AFF1: variants seen among roughly 807,000 people sequenced by gnomAD.
AFF1 encodes the protein AF4/FMR2 family member 1.
In AFF1, 48 loss-of-function variants were observed where a neutral mutation model predicts 121.7. The observed-to-expected ratio is 0.39, with a 90% CI of 0.31 to 0.50. The LOEUF (loss-of-function observed/expected upper bound fraction) is 0.50, where lower values mean the gene tolerates loss of function less well. Among genes scored for constraint, AFF1 ranks in the 20% least tolerant of loss-of-function variants. The probability of loss-of-function intolerance (pLI) is 0.76; values close to 1 mark genes in which losing one functional copy is unlikely to be tolerated. For missense variants in AFF1, 1,523 were observed against 1,511.7 expected (o/e 1.01, Z -0.12); for synonymous variants, 613 against 563.0 (o/e 1.09, Z -1.26).
chr4:87,000,134 A>G (rs763624772), intron 2 of AFF1, among the ~76,000 whole-genome samples: 71 of 152,334 alleles, frequency 4.7e-4, no homozygotes, highest in Admixed American at 3.9e-4. Context: ...TCATATAAAT[A>G]AATAATTGAA....
chr4:87,137,137 G>A lies in AFF1; in HGVS notation c.*1436G>A, dbSNP rs1173077873. On this transcript the variant is annotated 3_prime_UTR_variant, in exon 21 of 21. Coordinates refer to ENST00000395146, the MANE Select transcript of AFF1 (RefSeq NM_001166693.3). ...TTGGAAACATTACTTTGAGTGCAGTGTTTTTAAAAGCCAATTCTTTTTTAT... is the reference window on the plus strand; with the variant it reads ...TTGGAAACATTACTTTGAGTGCAGTATTTTTAAAAGCCAATTCTTTTTTAT... 4 of 226,700 alleles carry A rather than the reference G, an allele frequency of 1.8e-5. No homozygotes were observed. The highest frequency in any genetic ancestry group is 3.5e-5 in the Non-Finnish European group (4 of 113,850). The allele number at this position is 226,700 out of a possible 1,614,324, so 14.0% of individuals were successfully genotyped here.
intron 2 of AFF1, among the ~76,000 whole-genome samples, chr4:86,999,002 G>A (rs72877916): frequency 0.06 from 9,154 of 152,198 alleles, 489 homozygotes; most frequent in African/African-American, 0.14. Context: ...TTGGAATTGG[G>A]GCCATTCAGA....
At chr4:87,087,490 G>A (rs1723854279) in intron 5 of AFF1, among the ~76,000 whole-genome samples, 1 of 152,250 alleles carries the variant, frequency 6.6e-6, no homozygotes, top group Non-Finnish European at 1.5e-5. Flanking sequence ...GACAGTAGCT[G>A]TGGGGCCTGG....
At chr4:87,081,152 A>AT (rs549510832) in intron 4 of AFF1, among the ~76,000 whole-genome samples, 4,327 of 89,396 alleles carry the variant, frequency 0.048, 762 homozygotes, top group African/African-American at 0.11. Context: ...AATGAAATGA[A>AT]TTTTTTTTTT....
chr4:87,127,634 C>G lies in AFF1; in HGVS notation c.2904-9C>G. ...ATATGACCTGTCCCTGGTTTTTCCTCTTTTTCAGACAACAAGCAGACCTTC... is the reference window on the plus strand; with the variant it reads ...ATATGACCTGTCCCTGGTTTTTCCTGTTTTTCAGACAACAAGCAGACCTTC... On this transcript the variant is annotated splice_polypyrimidine_tract_variant and intron_variant, in intron 15 of 20. Coordinates refer to ENST00000395146, the MANE Select transcript of AFF1 (RefSeq NM_001166693.3). 1.9e-6 allele frequency: 3 copies of G among 1,613,864 alleles called. No individual in the cohort carries two copies. The highest frequency in any genetic ancestry group is 2.5e-6 in the Non-Finnish European group (3 of 1,179,928).
At chr4:87,135,193 A>T (rs1729195447) in intron 20 of AFF1, among the ~76,000 whole-genome samples, 1 of 152,224 alleles carries the variant, frequency 6.6e-6, no homozygotes, top group Non-Finnish European at 1.5e-5. Flanking sequence ...GGAGAAATGC[A>T]AGGTTCAGGA....
chr4:87,114,575 C>CCCCCCCA lies in AFF1; in HGVS notation c.1742_1743insCCCCCCA (p.Glu583ProfsTer95). On this transcript the variant is annotated frameshift_variant, in exon 12 of 21. Transcript: ENST00000395146. LOFTEE classifies it high-confidence loss of function. ...AGCTCCAGCAAAGCCCCCCGGGCCC[C>CCCCCCCA]ACCCGAAGCCCCCCACCCCGGAAAG... 6.3e-7 allele frequency: 1 copy of CCCCCCCA among 1,584,314 alleles called. No homozygotes were observed. The highest frequency in any genetic ancestry group is 8.6e-7 in the Non-Finnish European group (1 of 1,158,138).
intron 1 of AFF1, among the ~76,000 whole-genome samples, chr4:86,940,765 T>A (rs1009505495): frequency 1.8e-4 from 28 of 152,140 alleles, no homozygotes; most frequent in South Asian, 2.1e-4. Context: ...ATCTTTTTTT[T>A]ATTTTTCTTT....
intron 11 of AFF1, among the ~76,000 whole-genome samples, chr4:87,110,375 T>C (rs974328029): frequency 1.3e-5 from 2 of 152,132 alleles, no homozygotes; most frequent in Non-Finnish European, 2.9e-5. Flanking sequence ...TTTTAAAATG[T>C]AAATTAAAGT....
intron 8 of AFF1, among the ~76,000 whole-genome samples, chr4:87,104,312 A>G (rs1291009913): frequency 1.3e-5 from 2 of 152,146 alleles, no homozygotes; most frequent in Non-Finnish European, 2.9e-5. Context: ...GGCTGAGGCA[A>G]GAGGATTGCC....
At chr4:87,067,950 T>C (rs1721541312) in intron 4 of AFF1, among the ~76,000 whole-genome samples, 1 of 152,096 alleles carries the variant, frequency 6.6e-6, no homozygotes. Flanking sequence ...ATGGGTAGTA[T>C]TCTAGTTCTA....
intron 20 of AFF1, among the ~76,000 whole-genome samples, 164 bp downstream of exon 20, chr4:87,134,858 G>C (rs1729169031): frequency 6.6e-6 from 1 of 152,176 alleles, no homozygotes; most frequent in South Asian, 2.1e-4. Context: ...AGTTGCGGTT[G>C]TTCCTTGAGC....
intron 4 of AFF1, among the ~76,000 whole-genome samples, chr4:87,074,784 A>G (rs1197736350): frequency 6.6e-6 from 1 of 152,258 alleles, no homozygotes; most frequent in East Asian, 1.9e-4. Context: ...ATCTCAGGAT[A>G]TATAATGGTA....
chr4:87,039,093 C>T, intron 2 of AFF1, among the ~76,000 whole-genome samples: 1 of 152,178 alleles, frequency 6.6e-6, no homozygotes, highest in Non-Finnish European at 1.5e-5. Context: ...TGCTTACAGC[C>T]AGATGATACC....
intron 2 of AFF1, among the ~76,000 whole-genome samples, chr4:87,044,196 T>G (rs186098746): frequency 7.5e-4 from 114 of 152,300 alleles, no homozygotes; most frequent in African/African-American, 2.6e-3. Context: ...TCCCATAGAT[T>G]AAAAGGCTAT....
At chr4:87,090,607 G>C (rs528713583) in intron 6 of AFF1, among the ~76,000 whole-genome samples, 42 of 152,142 alleles carry the variant, frequency 2.8e-4, no homozygotes, top group Non-Finnish European at 5.6e-4. Flanking sequence ...TGTAGAAATA[G>C]CACCTTCAGA....
chr4:87,052,653 ACTCTGG>A (rs1390953386), intron 4 of AFF1, among the ~76,000 whole-genome samples: 2 of 151,558 alleles, frequency 1.3e-5, no homozygotes, highest in African/African-American at 4.9e-5. Flanking sequence ...AAAAACTGTA[ACTCTGG>A]CTTCTGGGTG....
At chr4:87,108,374 T>TA (rs1726144754) in intron 11 of AFF1, 59 bp downstream of exon 11, 3 of 1,572,896 alleles carry the variant, frequency 1.9e-6, no homozygotes, top group Admixed American at 3.4e-5. Flanking sequence ...CCTTTGAAGT[T>TA]AGAGTCAGTG....
Position 87,134,582 on chromosome 4 carries a change from C to T in AFF1, c.3423C>T (p.Ser1141=). 3 of 1,614,158 alleles carry T rather than the reference C, an allele frequency of 1.9e-6. No homozygotes were observed. The South Asian group carries it at 3.3e-5, about 18-fold the overall frequency. Residue 1141 remains serine, a synonymous_variant, in exon 20 of 21, where the codon AGC becomes AGT. Coordinates refer to ENST00000395146, the MANE Select transcript of AFF1 (RefSeq NM_001166693.3). ...GCAGTGGGGTGGCTGCCACTATCAG[C>T]ACCCCAGTCACCATCCAGAATATGA... The part of the protein sequence containing the change: ...VGSSGVAATI[S]TPVTIQNMTS...
Sources: allele counts gnomAD v4.1 joint callset (sites outside exome capture counted in the v4.1 genomes callset), GRCh38; gene constraint gnomAD v4.1.1; transcripts MANE v1.5; gene names NCBI Gene and HGNC (gene_info 2026-07-23, HGNC 2026-07-21).